Variants in UBXN4 observed in about 807,000 individuals in gnomAD.
UBXN4 encodes the protein UBX domain-containing protein 4.
UBXN4 carries 35 observed loss-of-function variants against 66.2 expected under a neutral mutation model. The ratio of observed to expected loss-of-function variants is 0.53; its 90% CI spans 0.40 to 0.70. The LOEUF (loss-of-function observed/expected upper bound fraction) is 0.70, where lower values mean the gene tolerates loss of function less well. UBXN4 is among the 30% of genes least tolerant of loss of function. UBXN4 has a pLI of 0.00. For missense variants in UBXN4, 533 were observed against 599.8 expected (o/e 0.89, Z 1.16); for synonymous variants, 203 against 204.5 (o/e 0.99, Z 0.06).
At chr2:135,776,051 G>A (rs1166575767) in intron 9 of UBXN4, among the ~76,000 whole-genome samples, 198 bp from the exon 10 acceptor site, 1 of 152,214 alleles carries the variant, frequency 6.6e-6, no homozygotes. Context: ...TTACAGGCGT[G>A]AGCCACCACA....
At chr2:135,769,502 A>C (rs2077369523) in intron 6 of UBXN4, among the ~76,000 whole-genome samples, 1 of 152,040 alleles carries the variant, frequency 6.6e-6, no homozygotes, top group African/African-American at 2.4e-5. Flanking sequence ...GTAGATTTTA[A>C]AGTCAATATC....
chr2:135,765,323 C>T (rs2077340773), intron 6 of UBXN4, among the ~76,000 whole-genome samples: 1 of 151,998 alleles, frequency 6.6e-6, no homozygotes, highest in Non-Finnish European at 1.5e-5. Flanking sequence ...GATTCTCCTG[C>T]CTCAGCCTCC....
intron 5 of UBXN4, among the ~76,000 whole-genome samples, chr2:135,758,820 G>A (rs1451583354): frequency 2.6e-5 from 4 of 151,604 alleles, no homozygotes; most frequent in African/African-American, 7.3e-5. Context: ...GTGCAGTGGC[G>A]TGATCTCGGC....
intron 5 of UBXN4, among the ~76,000 whole-genome samples, chr2:135,760,907 A>G (rs761364355): frequency 6.6e-6 from 1 of 152,194 alleles, no homozygotes; most frequent in Non-Finnish European, 1.5e-5. Flanking sequence ...ATGGGGAGGG[A>G]GAAGAGATAT....
At chr2:135,772,331 A>AT in intron 8 of UBXN4, 89 bp from the exon 9 acceptor site, 1 of 1,518,702 alleles carries the variant, frequency 6.6e-7, no homozygotes. Context: ...TCTTAATAAA[A>AT]AAAAAAAATT....
chr2:135,769,508 A>G (rs1044359341), intron 6 of UBXN4, among the ~76,000 whole-genome samples: 3 of 152,054 alleles, frequency 2.0e-5, no homozygotes, highest in Admixed American at 1.3e-4. Flanking sequence ...TTTAAAGTCA[A>G]TATCAGGTAA....
intron 9 of UBXN4, among the ~76,000 whole-genome samples, chr2:135,773,241 A>G (rs970269790): frequency 1.3e-5 from 2 of 152,214 alleles, no homozygotes; most frequent in African/African-American, 4.8e-5. Flanking sequence ...TTGGTTAGGC[A>G]TAGCTGTGTC....
chr2:135,770,339 T>C (rs190051821), intron 7 of UBXN4, among the ~76,000 whole-genome samples: 3 of 152,324 alleles, frequency 2.0e-5, no homozygotes, highest in African/African-American at 7.2e-5. Context: ...ACTAAAGACC[T>C]GTAATTATGC....
At chr2:135,762,735 G>A (rs72970281) in intron 6 of UBXN4, among the ~76,000 whole-genome samples, 4,109 of 152,252 alleles carry the variant, frequency 0.027, 196 homozygotes, top group African/African-American at 0.094. Flanking sequence ...AAGCAGGCTG[G>A]ACCTCACAGT....
chr2:135,750,639 C>CTATG (rs2077235171), intron 2 of UBXN4, among the ~76,000 whole-genome samples: 5 of 151,970 alleles, frequency 3.3e-5, no homozygotes, highest in Admixed American at 3.3e-4. Flanking sequence ...AGTTACTGAA[C>CTATG]TATGTATTTA....
chr2:135,775,694 G>A (rs550152275), intron 9 of UBXN4, among the ~76,000 whole-genome samples: 6 of 152,228 alleles, frequency 3.9e-5, no homozygotes, highest in African/African-American at 1.2e-4. Flanking sequence ...AAAATGTTCT[G>A]GAATTAGATA....
chr2:135,776,256 G>A lies in UBXN4; in HGVS notation c.958G>A (p.Ala320Thr), dbSNP rs1208658104. The A allele has an allele frequency of 1.9e-6, 3 of 1,613,592 alleles. No homozygotes were observed. Among genetic ancestry groups the A allele is most frequent in the Non-Finnish European group, 2.5e-6 (3 of 1,179,802 alleles). The change falls in exon 10 of 13, where the codon GCA (alanine) becomes ACA (threonine). Residue 320 changes from alanine (A) to threonine (T), a missense_variant. Transcript: ENST00000272638. ...AATTTTCTTTTTTCATAGCACTGTT[G>A]CAAGAATTCAATTCCGTCTTCCTGA... ...ESYARERSTV[A>T]RIQFRLPDGS...
At chr2:135,762,165 A>T (rs1368695571) in intron 6 of UBXN4, among the ~76,000 whole-genome samples, 1 of 152,132 alleles carries the variant, frequency 6.6e-6, no homozygotes, top group African/African-American at 2.4e-5. Flanking sequence ...ATTTTGGTAC[A>T]TGGGTGTTTC....
intron 9 of UBXN4, 72 bp downstream of exon 9, chr2:135,772,619 A>T (rs1322186397): frequency 6.3e-7 from 1 of 1,584,120 alleles, no homozygotes; most frequent in African/African-American, 1.3e-5. Flanking sequence ...CTGGTTTTTA[A>T]CACTGATGTA....
intron 5 of UBXN4, among the ~76,000 whole-genome samples, chr2:135,756,872 A>G (rs2077281670): frequency 6.6e-6 from 1 of 152,158 alleles, no homozygotes; most frequent in Non-Finnish European, 1.5e-5. Flanking sequence ...AGTTACAGGT[A>G]TTGTCCACCG....
intron 1 of UBXN4, among the ~76,000 whole-genome samples, chr2:135,743,109 T>A (rs1222596907): frequency 6.6e-6 from 1 of 152,226 alleles, no homozygotes; most frequent in Non-Finnish European, 1.5e-5. Flanking sequence ...TTAATAACGG[T>A]TTATTCATAA....
intron 6 of UBXN4, among the ~76,000 whole-genome samples, chr2:135,765,761 G>C (rs1281250040): frequency 1.3e-5 from 2 of 151,680 alleles, no homozygotes; most frequent in Non-Finnish European, 2.9e-5. Flanking sequence ...TGTGGGCTTT[G>C]AGCAGGGACT....
At position 135,770,604 on chromosome 2, in the gene UBXN4, A is replaced by C. The variant is rs979494782; in HGVS notation, c.691A>C (p.Thr231Pro). 6 of 1,537,814 alleles carry C rather than the reference A, an allele frequency of 3.9e-6. No individual in the cohort carries two copies. The African/African-American group carries it at 7.0e-5, about 18-fold the overall frequency. Residue 231 changes from threonine (T) to proline (P), a missense_variant, in exon 8 of 13, where the codon ACT becomes CCT. Physicochemically the swap from Thr to Pro is conservative, Grantham distance 38. Transcript: ENST00000272638. The stretch of plus-strand genomic sequence containing the variant: ...TAAGAAGGAAATTGAGAGGAGAAAA[A>C]CTGGAAAAGAAATGTTGGATTATAA... ...EIKKEIERRK[T>P]GKEMLDYKRK...
rs1186482789 is a variant in UBXN4 at position 135,755,680 on chromosome 2, A to C, written c.497A>C (p.Asp166Ala). The C allele has an allele frequency of 2.6e-6, 4 of 1,536,108 alleles. No homozygotes were observed. In the African/African-American group the frequency reaches 5.5e-5, roughly 21 times the overall value. ...CCACCCACTTCTGATACAAAGTCAG[A>C]TACTGCAACAGGTAACTTTTAATGT... ...EIPPTSDTKS[D>A]TATGGESAGH... The change falls in exon 5 of 13, where the codon GAT becomes GCT. Residue 166 changes from aspartate (D) to alanine (A), a missense_variant. Coordinates refer to ENST00000272638, the MANE Select transcript of UBXN4 (RefSeq NM_014607.4).
Sources: gnomAD v4.1 joint callset for allele counts (sites outside exome capture counted in the v4.1 genomes callset) on GRCh38, gnomAD v4.1.1 for gene constraint, MANE v1.5 for transcripts, NCBI Gene and HGNC (gene_info 2026-07-23, HGNC 2026-07-21) for gene names.